Variants in BACH2 observed in about 807,000 individuals in gnomAD.
BACH2 encodes BACH transcriptional regulator 2, also known as transcription regulator protein BACH2.
A neutral mutation model predicts 61.8 loss-of-function variants in BACH2; 5 were observed. That is an observed-to-expected ratio of 0.08 (90% CI 0.04 to 0.17). The LOEUF (loss-of-function observed/expected upper bound fraction) is 0.17. Among genes scored for constraint, BACH2 ranks in the 10% least tolerant of loss-of-function variants. The pLI, the probability that BACH2 is intolerant of heterozygous loss-of-function variation, is 1.00. For missense variants in BACH2, 824 were observed against 1,091.1 expected, an observed-to-expected ratio of 0.76 and a Z score of 3.45; for synonymous variants, 446 against 440.1, an observed-to-expected ratio of 1.01 and a Z score of -0.17.
intron 3 of BACH2, among the ~76,000 whole-genome samples, chr6:90,241,774 G>A (rs1159618785): frequency 1.3e-5 from 2 of 151,622 alleles, no homozygotes; most frequent in East Asian, 1.9e-4. Context: ...CGTTACTAAA[G>A]GTTGATGAGA....
intron 3 of BACH2, among the ~76,000 whole-genome samples, chr6:90,243,204 G>C (rs1562523154): frequency 6.6e-6 from 1 of 151,652 alleles, no homozygotes; most frequent in Non-Finnish European, 1.5e-5. Flanking sequence ...CAAATTATCT[G>C]ATTTCCACAG....
At chr6:89,967,647 T>C (rs1404603353) in intron 6 of BACH2, among the ~76,000 whole-genome samples, 1 of 152,220 alleles carries the variant, frequency 6.6e-6, no homozygotes, top group Non-Finnish European at 1.5e-5. Context: ...GGTGTCTGGA[T>C]GGCATCGTCA....
intron 5 of BACH2, among the ~76,000 whole-genome samples, chr6:90,010,068 A>T (rs1268524485): frequency 1.3e-5 from 2 of 152,192 alleles, no homozygotes; most frequent in African/African-American, 4.8e-5. Context: ...AGCGAGTCCT[A>T]CTTTCTTTTT....
chr6:90,169,286 G>A (rs1202756558), intron 4 of BACH2, among the ~76,000 whole-genome samples: 1 of 152,100 alleles, frequency 6.6e-6, no homozygotes, highest in Non-Finnish European at 1.5e-5. Flanking sequence ...TTTACAAGAA[G>A]ATGGAGAGTC....
intron 5 of BACH2, among the ~76,000 whole-genome samples, chr6:90,057,258 C>T (rs949229094): frequency 2.0e-5 from 3 of 152,090 alleles, no homozygotes; most frequent in African/African-American, 7.2e-5. Flanking sequence ...AGAGAAGAAT[C>T]AAATAGACGC....
At chr6:90,080,305 C>T (rs900626268) in intron 5 of BACH2, among the ~76,000 whole-genome samples, 2 of 152,058 alleles carry the variant, frequency 1.3e-5, no homozygotes, top group African/African-American at 2.4e-5. Flanking sequence ...GGTGGCACCA[C>T]GCTTACCAAG....
chr6:90,192,896 T>C (rs992942147), intron 4 of BACH2, among the ~76,000 whole-genome samples: 6 of 152,256 alleles, frequency 3.9e-5, no homozygotes, highest in Non-Finnish European at 8.8e-5. Context: ...TGAACACTGA[T>C]TACCTTTTTG....
chr6:90,211,588 C>G (rs1001809796), intron 3 of BACH2, among the ~76,000 whole-genome samples: 2 of 144,038 alleles, frequency 1.4e-5, no homozygotes, highest in African/African-American at 5.2e-5. Context: ...GTGTCAAGGG[C>G]TGTGTGTGTG....
intron 4 of BACH2, among the ~76,000 whole-genome samples, 181 bp from the exon 5 acceptor site, chr6:90,089,290 T>C (rs573802730): frequency 6.6e-6 from 1 of 152,100 alleles, no homozygotes; most frequent in African/African-American, 2.4e-5. Context: ...CCATAGCCCG[T>C]GGTAGAAACG....
intron 6 of BACH2, among the ~76,000 whole-genome samples, chr6:89,989,879 G>A (rs1377073364): frequency 6.6e-6 from 1 of 152,212 alleles, no homozygotes. Context: ...GCCAGAGCCT[G>A]CTCTTGAGGA....
At chr6:89,940,096 C>T (rs1188915664) in intron 7 of BACH2, among the ~76,000 whole-genome samples, 6 of 151,994 alleles carry the variant, frequency 3.9e-5, no homozygotes, top group Non-Finnish European at 8.8e-5. Flanking sequence ...CGGCAAACTC[C>T]ACCTCCCTGG....
chr6:90,071,330 C>T (rs1056642697), intron 5 of BACH2, among the ~76,000 whole-genome samples: 5 of 152,306 alleles, frequency 3.3e-5, no homozygotes, highest in South Asian at 4.1e-4. Flanking sequence ...CAAGCTCTTG[C>T]AGTACAGCAT....
At chr6:90,129,577 C>A (rs765362809) in intron 4 of BACH2, among the ~76,000 whole-genome samples, 3 of 152,016 alleles carry the variant, frequency 2.0e-5, no homozygotes, top group Non-Finnish European at 4.4e-5. Flanking sequence ...TTTCACAATA[C>A]TGATTCTTCC....
intron 6 of BACH2, among the ~76,000 whole-genome samples, chr6:89,996,342 T>C (rs1347217386): frequency 1.3e-5 from 2 of 152,240 alleles, no homozygotes; most frequent in East Asian, 1.9e-4. Flanking sequence ...TGGGTTGTTG[T>C]TGCCATCCAA....
chr6:90,103,006 C>CATACATATATATATATATAT (rs1554246245), intron 4 of BACH2, among the ~76,000 whole-genome samples: 3 of 44,938 alleles, frequency 6.7e-5, no homozygotes, highest in African/African-American at 4.7e-4. Context: ...TGACACAATA[C>CATACATATATATATATATAT]ATATATATAT....
chr6:90,116,673 G>T (rs1367528847), intron 4 of BACH2: 4 of 311,100 alleles, frequency 1.3e-5, no homozygotes, highest in Admixed American at 7.4e-5. Context: ...AAAAGGTGAT[G>T]TGATGGCAGT....
chr6:90,056,283 C>G (rs1231733892), intron 5 of BACH2, among the ~76,000 whole-genome samples: 6 of 152,030 alleles, frequency 3.9e-5, no homozygotes, highest in Admixed American at 2.0e-4. Flanking sequence ...GAAGATCTAC[C>G]AAGCAAATGG....
At chr6:89,984,801 G>A (rs1776148482) in intron 6 of BACH2, among the ~76,000 whole-genome samples, 1 of 152,070 alleles carries the variant, frequency 6.6e-6, no homozygotes, top group Admixed American at 6.5e-5. Flanking sequence ...TTTAAATATA[G>A]TTTAAAAAGA....
intron 1 of BACH2, among the ~76,000 whole-genome samples, chr6:90,280,334 A>G (rs1771821037): frequency 6.6e-6 from 1 of 152,198 alleles, no homozygotes; most frequent in African/African-American, 2.4e-5. Context: ...ACGTTATGTA[A>G]TATTTTAATT....
Sources: gnomAD v4.1 joint callset for allele counts (sites outside exome capture counted in the v4.1 genomes callset) on GRCh38, gnomAD v4.1.1 for gene constraint, MANE v1.5 for transcripts, NCBI Gene and HGNC (gene_info 2026-07-23, HGNC 2026-07-21) for gene names.